Variants in DAB1 observed in about 807,000 individuals in gnomAD.
DAB1 encodes the protein disabled homolog 1.
A neutral mutation model predicts 64.6 loss-of-function variants in DAB1; 15 were observed. The observed-to-expected ratio is 0.23, with a 90% CI of 0.16 to 0.36. DAB1 has a LOEUF of 0.36. Among genes scored for constraint, DAB1 ranks in the 10% least tolerant of loss-of-function variants. DAB1 has a pLI of 1.00. For missense variants in DAB1, 596 were observed against 706.7 expected (o/e 0.84, Z 1.78); for synonymous variants, 235 against 251.9 (o/e 0.93, Z 0.64).
intron 6 of DAB1, among the ~76,000 whole-genome samples, chr1:57,744,589 G>GA (rs1327269059): frequency 6.6e-6 from 1 of 152,164 alleles, no homozygotes; most frequent in East Asian, 1.9e-4. Context: ...AGTCACCGAG[G>GA]AAGTGGAAAG....
chr1:58,333,409 C>T (rs1172722923), intron 4 of DAB1, among the ~76,000 whole-genome samples: 5 of 152,064 alleles, frequency 3.3e-5, no homozygotes, highest in African/African-American at 4.8e-5. Context: ...AGTTGTTAAA[C>T]AAATAAAATT....
intron 6 of DAB1, among the ~76,000 whole-genome samples, chr1:57,770,942 T>G (rs1381467136): frequency 6.6e-6 from 1 of 152,108 alleles, no homozygotes; most frequent in Admixed American, 6.6e-5. Context: ...TAATCCATAC[T>G]GAGCAGATTA....
At chr1:57,296,488 C>T (rs148164313) in intron 1 of DAB1, among the ~76,000 whole-genome samples, 329 of 152,012 alleles carry the variant, frequency 2.2e-3, no homozygotes, top group Admixed American at 3.6e-3. Context: ...TCAGAGCTGG[C>T]GCATGGCAGG....
Position 58,344,913 on chromosome 1 carries a change from C to T in DAB1, n.258-1510G>A, listed in dbSNP as rs942107254. Among the ~76,000 whole-genome samples the T allele has an allele frequency of 2.2e-4, 34 of 152,118 alleles. 1 individual carries two copies. Among genetic ancestry groups the T allele is most frequent in the Non-Finnish European group, 4.1e-4 (28 of 68,020 alleles). The stretch of plus-strand genomic sequence containing the variant: ...TCTATCTTTTTCTCACTACCTTTCC[C>T]AAATTCAGCTAGGTCTTTCAGCCTC... On this transcript the variant is annotated intron_variant and non_coding_transcript_variant, in intron 3 of 20. Coordinates refer to the DAB1 transcript ENST00000485760.
At chr1:58,371,325 AG>A (rs1644262378) in intron 3 of DAB1, among the ~76,000 whole-genome samples, 1 of 152,182 alleles carries the variant, frequency 6.6e-6, no homozygotes, top group Non-Finnish European at 1.5e-5. Context: ...AGAGATGATT[AG>A]GGTATCTGGC....
intron 4 of DAB1, among the ~76,000 whole-genome samples, chr1:57,091,932 T>C (rs975913487): frequency 2.0e-5 from 3 of 152,170 alleles, no homozygotes; most frequent in African/African-American, 7.2e-5. Flanking sequence ...CCCAACTCCA[T>C]CCAGTTAAGA....
At chr1:57,345,010 A>G (rs1436710031) in intron 1 of DAB1, among the ~76,000 whole-genome samples, 1 of 152,236 alleles carries the variant, frequency 6.6e-6, no homozygotes, top group Non-Finnish European at 1.5e-5. Flanking sequence ...CCCAGGGCAG[A>G]GACCCAGACA....
At chr1:57,675,728 T>A (rs1334509619) in intron 6 of DAB1, among the ~76,000 whole-genome samples, 3 of 152,222 alleles carry the variant, frequency 2.0e-5, no homozygotes, top group Non-Finnish European at 2.9e-5. Context: ...ATTAACTATT[T>A]AATAAACTGA....
At chr1:57,541,061 C>A (rs925963621) in intron 7 of DAB1, among the ~76,000 whole-genome samples, 1 of 151,966 alleles carries the variant, frequency 6.6e-6, no homozygotes, top group African/African-American at 2.4e-5. Context: ...ACGTTCTATG[C>A]ATATATCAAA....
chr1:57,455,302 T>G (rs1686544991), intron 7 of DAB1, among the ~76,000 whole-genome samples: 1 of 152,168 alleles, frequency 6.6e-6, no homozygotes, highest in African/African-American at 2.4e-5. Context: ...TGCTTGATAT[T>G]TAATTTTCAC....
intron 2 of DAB1, among the ~76,000 whole-genome samples, chr1:57,252,803 G>C (rs1352548796): frequency 3.3e-5 from 5 of 152,192 alleles, no homozygotes; most frequent in Non-Finnish European, 2.9e-5. Context: ...GATGGCTGGA[G>C]TACAGTTATG....
intron 6 of DAB1, among the ~76,000 whole-genome samples, chr1:57,817,689 T>G (rs1215167644): frequency 2.0e-5 from 3 of 152,196 alleles, no homozygotes; most frequent in Non-Finnish European, 4.4e-5. Flanking sequence ...GAGCTAGAGC[T>G]GCAAAGCGGC....
At chr1:57,684,750 G>A (rs1646675395) in intron 6 of DAB1, among the ~76,000 whole-genome samples, 1 of 152,064 alleles carries the variant, frequency 6.6e-6, no homozygotes, top group Non-Finnish European at 1.5e-5. Flanking sequence ...ACAATGACAG[G>A]ATCAAAATTT....
chr1:58,180,876 T>C (rs927854013), intron 4 of DAB1, among the ~76,000 whole-genome samples: 4 of 152,182 alleles, frequency 2.6e-5, no homozygotes, highest in Non-Finnish European at 4.4e-5. Context: ...TTGAGAACTG[T>C]TTTATGCTCT....
At chr1:57,278,691 G>A (rs541477164) in intron 2 of DAB1, among the ~76,000 whole-genome samples, 7 of 152,234 alleles carry the variant, frequency 4.6e-5, no homozygotes, top group African/African-American at 1.7e-4. Context: ...CAGGCTGAGA[G>A]GAGAGCTGAA....
intron 6 of DAB1, among the ~76,000 whole-genome samples, chr1:57,761,869 A>G (rs1332895403): frequency 6.6e-6 from 1 of 152,180 alleles, no homozygotes; most frequent in Non-Finnish European, 1.5e-5. Context: ...AGACTCCCCC[A>G]GACAGCCAGG....
chr1:57,118,446 C>A (rs1413477347), intron 4 of DAB1, among the ~76,000 whole-genome samples: 1 of 152,170 alleles, frequency 6.6e-6, no homozygotes, highest in Non-Finnish European at 1.5e-5. Context: ...AAAGATTATT[C>A]CATCTTCACC....
At chr1:57,829,998 C>T (rs1254273377) in intron 1 of DAB1, among the ~76,000 whole-genome samples, 10 of 152,288 alleles carry the variant, frequency 6.6e-5, no homozygotes, top group South Asian at 4.1e-4. Flanking sequence ...CCAATTATAT[C>T]TGACTCCTTC....
intron 6 of DAB1, among the ~76,000 whole-genome samples, chr1:57,795,652 A>G (rs1247009112): frequency 7.2e-6 from 1 of 139,496 alleles, no homozygotes; most frequent in Non-Finnish European, 1.5e-5. Flanking sequence ...TTTTACTTAT[A>G]CTCTTCAAAA....
Sources: allele counts gnomAD v4.1 joint callset (sites outside exome capture counted in the v4.1 genomes callset), GRCh38; gene constraint gnomAD v4.1.1; transcripts MANE v1.5; gene names NCBI Gene and HGNC (gene_info 2026-07-23, HGNC 2026-07-21).